The following HMCN1 variants were observed in gnomAD, a reference collection of about 807,000 sequenced individuals.
HMCN1 encodes hemicentin-1.
HMCN1 carries 321 observed loss-of-function variants against 625.9 expected under a neutral mutation model. The observed-to-expected ratio is 0.51, with a 90% CI of 0.47 to 0.56. HMCN1 has a LOEUF of 0.56. HMCN1 is among the 20% of genes least tolerant of loss of function. The probability of loss-of-function intolerance (pLI) is 0.00; values close to 1 mark genes in which losing one functional copy is unlikely to be tolerated. For synonymous variants in HMCN1, 2,425 were observed against 2,417.6 expected, an observed-to-expected ratio of 1.00 and a Z score of -0.09; for missense variants, 6,588 against 6,887.3, an observed-to-expected ratio of 0.96 and a Z score of 1.54.
rs144363990 is a variant in HMCN1 at position 186,061,685 on chromosome 1, A to G, written c.7313-166A>G. 1.5e-4 allele frequency among the ~76,000 whole-genome samples: 23 copies of G among 152,228 alleles called. No individual in the cohort carries two copies. The East Asian group carries it at 4.4e-3, about 29-fold the overall frequency. ...AGATTTTTCTGAACTATTTTGTTTT[A>G]TAGAAGTTTAAAATGTGATTTTTAA... On this transcript the variant is annotated intron_variant, in intron 46 of 106. Transcript: ENST00000271588.
At chr1:185,960,377 C>T (rs921473646) in intron 11 of HMCN1, among the ~76,000 whole-genome samples, 2 of 152,128 alleles carry the variant, frequency 1.3e-5, no homozygotes, top group African/African-American at 4.8e-5. Flanking sequence ...GATCTGCCCG[C>T]CTCAGCCTCC....
Position 185,977,788 on chromosome 1 carries a change from A to T in HMCN1, c.2373A>T (p.Ser791=), listed in dbSNP as rs1205609109. The part of the protein sequence containing the change: ...ATGKITLDVG[S]PPVFIQEPAD... Reference sequence around the variant, plus strand: ...TTTGTTGTTTGTAATGTCTTCCAGCACCTCCAGTTTTCATACAAGAACCTG... The same window carrying T: ...TTTGTTGTTTGTAATGTCTTCCAGCTCCTCCAGTTTTCATACAAGAACCTG... The change falls in exon 16 of 107, where the codon TCA becomes TCT. Residue 791 remains serine, a splice_region_variant and synonymous_variant. Coordinates refer to ENST00000271588, the MANE Select transcript of HMCN1 (RefSeq NM_031935.3). 1 of 1,607,580 alleles carries T rather than the reference A, an allele frequency of 6.2e-7. No individual in the cohort carries two copies. Among genetic ancestry groups the T allele is most frequent in the South Asian group, 1.1e-5 (1 of 90,930 alleles).
At chr1:186,046,473 CAA>C (rs59975448) in intron 41 of HMCN1, among the ~76,000 whole-genome samples, 40 of 149,790 alleles carry the variant, frequency 2.7e-4, no homozygotes, top group African/African-American at 9.2e-4. Context: ...TCTCAAACAA[CAA>C]AAAAAAAAAT....
intron 1 of HMCN1, among the ~76,000 whole-genome samples, chr1:185,800,910 A>G (rs935190861): frequency 6.6e-6 from 1 of 152,200 alleles, no homozygotes; most frequent in African/African-American, 2.4e-5. Flanking sequence ...CACTGTTTTT[A>G]ATAATTTTAT....
intron 52 of HMCN1, 45 bp from the exon 53 acceptor site, chr1:186,074,696 T>G (rs200582674): frequency 6.3e-7 from 1 of 1,581,238 alleles, no homozygotes; most frequent in Non-Finnish European, 8.7e-7. Flanking sequence ...TCTTAGAGGA[T>G]TCATTATAGC....
chr1:186,038,365 C>T (rs1655977237), intron 37 of HMCN1, among the ~76,000 whole-genome samples: 1 of 152,054 alleles, frequency 6.6e-6, no homozygotes, highest in Non-Finnish European at 1.5e-5. Flanking sequence ...CTTAATGAAG[C>T]TAGATAAAAT....
chr1:185,783,646 G>C (rs763951128), intron 1 of HMCN1, among the ~76,000 whole-genome samples: 1 of 152,208 alleles, frequency 6.6e-6, no homozygotes, highest in East Asian at 1.9e-4. Flanking sequence ...AGCAGTGGAG[G>C]CTGCAAAACA....
chr1:186,026,800 A>G (rs1655086970), intron 36 of HMCN1, among the ~76,000 whole-genome samples: 1 of 151,694 alleles, frequency 6.6e-6, no homozygotes, highest in African/African-American at 2.4e-5. Flanking sequence ...ATGCCTGGCT[A>G]ATGTTTGTAC....
chr1:185,893,777 A>C (rs6701167), intron 4 of HMCN1, among the ~76,000 whole-genome samples: 1 of 152,110 alleles, frequency 6.6e-6, no homozygotes, highest in East Asian at 1.9e-4. Flanking sequence ...TTTATTTTAA[A>C]CTTTTCATTG....
At chr1:185,753,548 C>T (rs1654947311) in intron 1 of HMCN1, among the ~76,000 whole-genome samples, 2 of 151,914 alleles carry the variant, frequency 1.3e-5, no homozygotes, top group South Asian at 4.2e-4. Flanking sequence ...TTTCTTTTTA[C>T]CTTTCTAATG....
At chr1:186,038,354 T>A (rs1236390218) in intron 37 of HMCN1, among the ~76,000 whole-genome samples, 2 of 152,180 alleles carry the variant, frequency 1.3e-5, no homozygotes, top group Non-Finnish European at 2.9e-5. Context: ...CTTAAAAGTA[T>A]CTTAATGAAG....
At chr1:185,898,224 A>T (rs1665595098) in intron 4 of HMCN1, among the ~76,000 whole-genome samples, 1 of 152,166 alleles carries the variant, frequency 6.6e-6, no homozygotes, top group Non-Finnish European at 1.5e-5. Context: ...AATGAGAGAC[A>T]GAGACAAAAT....
chr1:186,152,818 G>C lies in HMCN1; in HGVS notation c.14965G>C (p.Val4989Leu), dbSNP rs769353493. ...DSDGSLLLDIVVSGYVLQLQS... is the reference protein window; with the variant it reads ...DSDGSLLLDILVSGYVLQLQS... The stretch of plus-strand genomic sequence containing the variant: ...CGATGGTTCTTTGCTGCTAGATATC[G>C]TTGTGAGTGGCTATGTCCTACAGCT... Residue 4989 changes from valine to leucine, a missense_variant, in exon 96 of 107, where the codon GTT (valine) becomes CTT (leucine). Coordinates refer to ENST00000271588, the MANE Select transcript of HMCN1 (RefSeq NM_031935.3). 4 of 1,613,846 alleles carry C rather than the reference G, an allele frequency of 2.5e-6. No homozygotes were observed. The highest frequency in any genetic ancestry group is 1.1e-5 in the South Asian group (1 of 91,080).
intron 1 of HMCN1, among the ~76,000 whole-genome samples, chr1:185,743,133 G>C (rs1263903144): frequency 1.6e-4 from 24 of 152,072 alleles, no homozygotes; most frequent in Non-Finnish European, 3.2e-4. Context: ...TCCCTGACTA[G>C]ATATTAAGCT....
chr1:185,817,507 G>A (rs946246999), intron 1 of HMCN1, among the ~76,000 whole-genome samples: 3 of 152,118 alleles, frequency 2.0e-5, no homozygotes, highest in African/African-American at 7.2e-5. Flanking sequence ...AGTTTACAGA[G>A]GGGCAGCAAT....
Position 185,814,817 on chromosome 1 carries a change from A to C in HMCN1, c.269-31209A>C, listed in dbSNP as rs1440097518. 2.0e-5 allele frequency among the ~76,000 whole-genome samples: 3 copies of C among 149,216 alleles called. 1 individual carries two copies. Among genetic ancestry groups the C allele is most frequent in the African/African-American group, 7.7e-5 (3 of 38,984 alleles). On this transcript the variant is annotated intron_variant, in intron 1 of 106. Coordinates refer to ENST00000271588, the MANE Select transcript of HMCN1 (RefSeq NM_031935.3). ...AGCGATTCTCCTGCCTCAGCCTCCCAAGTAGCTGGGACTACAGGCACACAT... is the reference window on the plus strand; with the variant it reads ...AGCGATTCTCCTGCCTCAGCCTCCCCAGTAGCTGGGACTACAGGCACACAT...
At chr1:186,088,311 T>A in intron 62 of HMCN1, 35 bp downstream of exon 62, 1 of 1,611,364 alleles carries the variant, frequency 6.2e-7, no homozygotes, top group Non-Finnish European at 8.5e-7. Flanking sequence ...TGTGTGTGTG[T>A]TTTTTTCTCT....
chr1:186,088,568 T>G (rs1410451556), intron 62 of HMCN1, 38 bp from the exon 63 acceptor site: 3 of 1,599,908 alleles, frequency 1.9e-6, no homozygotes, highest in Non-Finnish European at 2.6e-6. Flanking sequence ...AGTTTAAAGG[T>G]TTTTTTATGT....
intron 1 of HMCN1, among the ~76,000 whole-genome samples, chr1:185,842,496 C>A (rs184815958): frequency 6.6e-6 from 1 of 151,552 alleles, no homozygotes; most frequent in Non-Finnish European, 1.5e-5. Flanking sequence ...ATTGGGAGGT[C>A]GAGGCCGCAG....
Sources: allele counts gnomAD v4.1 joint callset (sites outside exome capture counted in the v4.1 genomes callset), GRCh38; gene constraint gnomAD v4.1.1; transcripts MANE v1.5; gene names NCBI Gene and HGNC (gene_info 2026-07-23, HGNC 2026-07-21).